The following TADA1 variants were observed in gnomAD, a reference collection of about 807,000 sequenced individuals.
TADA1 encodes the protein transcriptional adaptor 1, also known as transcriptional adapter 1.
A neutral mutation model predicts 39.3 loss-of-function variants in TADA1; 23 were observed. The ratio of observed to expected loss-of-function variants is 0.58; its 90% CI spans 0.42 to 0.83. The LOEUF (loss-of-function observed/expected upper bound fraction) is 0.83. TADA1 is among the 40% of genes least tolerant of loss of function. TADA1 has a pLI of 0.00. For synonymous variants in TADA1, 137 were observed against 151.8 expected (o/e 0.90, Z 0.72); for missense variants, 352 against 408.1 (o/e 0.86, Z 1.18).
intron 1 of TADA1, among the ~76,000 whole-genome samples, chr1:166,875,692 C>A (rs911102796): frequency 1.3e-5 from 2 of 152,272 alleles, no homozygotes; most frequent in East Asian, 3.8e-4. Flanking sequence ...GTCAAAAGAG[C>A]TTACCAATAA....
At chr1:166,874,556 C>T (rs751174831) in intron 1 of TADA1, among the ~76,000 whole-genome samples, 2 of 151,870 alleles carry the variant, frequency 1.3e-5, no homozygotes, top group African/African-American at 4.8e-5. Flanking sequence ...GAGGCCAATG[C>T]GGGAGGACTG....
At chr1:166,862,176 GATT>G (rs1658430623) in intron 5 of TADA1, 24 bp downstream of exon 5, 1 of 1,608,312 alleles carries the variant, frequency 6.2e-7, no homozygotes, top group Admixed American at 1.7e-5. Flanking sequence ...CAACCTGTAA[GATT>G]ATTTCTGCCA....
At chr1:166,860,492 C>T (rs1658380999) in intron 5 of TADA1, among the ~76,000 whole-genome samples, 155 bp from the exon 6 acceptor site, 1 of 152,140 alleles carries the variant, frequency 6.6e-6, no homozygotes, top group Non-Finnish European at 1.5e-5. Flanking sequence ...TGAAGAGCCA[C>T]GGAGCCACAC....
chr1:166,861,375 T>G (rs577917715), intron 5 of TADA1, among the ~76,000 whole-genome samples: 8 of 152,354 alleles, frequency 5.3e-5, no homozygotes, highest in African/African-American at 1.7e-4. Flanking sequence ...GTTATTATTT[T>G]TGAAGTACAG....
intron 1 of TADA1, among the ~76,000 whole-genome samples, chr1:166,872,528 C>T (rs1049175209): frequency 9.9e-5 from 15 of 152,068 alleles, no homozygotes; most frequent in Non-Finnish European, 1.6e-4. Flanking sequence ...AAAAATTAGC[C>T]AGGTGTGGTG....
chr1:166,860,500 C>T (rs1252622991), intron 5 of TADA1, among the ~76,000 whole-genome samples, 163 bp from the exon 6 acceptor site: 2 of 152,220 alleles, frequency 1.3e-5, no homozygotes, highest in Non-Finnish European at 2.9e-5. Flanking sequence ...CACGGAGCCA[C>T]ACCAAAGGAG....
intron 3 of TADA1, among the ~76,000 whole-genome samples, chr1:166,865,419 TA>T (rs1484089229): frequency 6.6e-6 from 1 of 151,412 alleles, no homozygotes; most frequent in Admixed American, 6.6e-5. Context: ...GCTTTTATCA[TA>T]AAACCTTCTG....
intron 1 of TADA1, among the ~76,000 whole-genome samples, chr1:166,875,393 T>C (rs1658740582): frequency 6.6e-6 from 1 of 152,150 alleles, no homozygotes; most frequent in Non-Finnish European, 1.5e-5. Context: ...TGGCTGAGCG[T>C]CTCTGGGATC....
chr1:166,858,792 G>A (rs866397905), intron 6 of TADA1, among the ~76,000 whole-genome samples: 2 of 152,232 alleles, frequency 1.3e-5, no homozygotes, highest in South Asian at 4.1e-4. Context: ...CCTACACAAT[G>A]CTGAGGACGT....
intron 5 of TADA1, 32 bp downstream of exon 5, chr1:166,862,171 T>C (rs762288022): frequency 6.2e-7 from 1 of 1,605,256 alleles, no homozygotes; most frequent in Non-Finnish European, 8.5e-7. Flanking sequence ...ACATTCAACC[T>C]GTAAGATTAT....
intron 1 of TADA1, among the ~76,000 whole-genome samples, chr1:166,870,445 C>T (rs764190977): frequency 6.6e-5 from 10 of 152,280 alleles, no homozygotes; most frequent in Non-Finnish European, 1.3e-4. Context: ...GTTGTTTAAG[C>T]GAACCAGTCT....
At chr1:166,874,330 A>C (rs1658719926) in intron 1 of TADA1, among the ~76,000 whole-genome samples, 1 of 150,578 alleles carries the variant, frequency 6.6e-6, no homozygotes, top group Non-Finnish European at 1.5e-5. Context: ...ACAGAGCAAG[A>C]CTCCATCTCA....
intron 1 of TADA1, among the ~76,000 whole-genome samples, chr1:166,874,478 A>G (rs1658722873): frequency 6.6e-6 from 1 of 152,154 alleles, no homozygotes; most frequent in Admixed American, 6.5e-5. Flanking sequence ...ATCAATATCG[A>G]AAGACAATTT....
Position 166,856,655 on chromosome 1 carries a change from C to G in TADA1, c.*912G>C, listed in dbSNP as rs1658285279. 1 of 152,610 alleles carries G rather than the reference C, an allele frequency of 6.6e-6. No homozygotes were observed. The highest frequency in any genetic ancestry group is 2.4e-5 in the African/African-American group (1 of 41,426). 9.5% of individuals were successfully genotyped at this position (152,610 alleles called of 1,614,324 possible). ...ATACATTCTAATTTATCTATCAACA[C>G]TATCCCTTAAGTAAAAAGCAACATA... On this transcript the variant is annotated 3_prime_UTR_variant, in exon 8 of 8. Coordinates refer to ENST00000367874, the MANE Select transcript of TADA1 (RefSeq NM_053053.4).
intron 1 of TADA1, among the ~76,000 whole-genome samples, chr1:166,870,302 A>G (rs1658629283): frequency 6.6e-6 from 1 of 152,238 alleles, no homozygotes; most frequent in Non-Finnish European, 1.5e-5. Context: ...GGCAATTAGG[A>G]CACAGATACA....
At chr1:166,870,099 C>T (rs1571242074) in intron 1 of TADA1, among the ~76,000 whole-genome samples, 1 of 152,198 alleles carries the variant, frequency 6.6e-6, no homozygotes, top group African/African-American at 2.4e-5. Flanking sequence ...GCTCCAACTC[C>T]GAGGAAAGGA....
intron 1 of TADA1, among the ~76,000 whole-genome samples, chr1:166,871,117 T>C (rs1002065080): frequency 2.6e-5 from 4 of 151,972 alleles, no homozygotes; most frequent in African/African-American, 9.7e-5. Context: ...ACAAAGAAAA[T>C]GCCTGGGGAT....
chr1:166,869,904 T>A (rs759381336), intron 1 of TADA1, 50 bp from the exon 2 acceptor site: 10 of 1,486,270 alleles, frequency 6.7e-6, no homozygotes, highest in Non-Finnish European at 8.4e-6. Flanking sequence ...CTGCTTCTAG[T>A]TTTTTTTGTT....
intron 2 of TADA1, 110 bp downstream of exon 2, chr1:166,869,653 C>T (rs554328184): frequency 1.4e-6 from 2 of 1,400,750 alleles, no homozygotes; most frequent in East Asian, 2.3e-5. Flanking sequence ...ATTAAGATAA[C>T]CTTATACACC....
Sources: gnomAD v4.1 joint callset for allele counts (sites outside exome capture counted in the v4.1 genomes callset) on GRCh38, gnomAD v4.1.1 for gene constraint, MANE v1.5 for transcripts, NCBI Gene and HGNC (gene_info 2026-07-23, HGNC 2026-07-21) for gene names.